Variants in MACROD2 observed in about 807,000 individuals in gnomAD.
The protein encoded by MACROD2 is ADP-ribose glycohydrolase MACROD2.
MACROD2 carries 36 observed loss-of-function variants against 70.4 expected under a neutral mutation model. The ratio of observed to expected loss-of-function variants is 0.51; its 90% CI spans 0.39 to 0.68. MACROD2 has a LOEUF of 0.68. Ranked by LOEUF, MACROD2 falls within the 30% of genes least tolerant of loss-of-function variation. MACROD2 has a pLI of 0.00. For missense variants in MACROD2, 496 were observed against 538.4 expected (o/e 0.92, Z 0.78); for synonymous variants, 172 against 178.8 (o/e 0.96, Z 0.30).
intron 5 of MACROD2, chr20:14,894,438 A>T (rs1476686708): frequency 3.3e-5 from 5 of 151,936 alleles, no homozygotes; most frequent in Non-Finnish European, 5.9e-5. Flanking sequence ...TCACCATGTT[A>T]GCCAGGATGG....
At chr20:15,535,376 G>A (rs1338404694) in intron 8 of MACROD2, among the ~76,000 whole-genome samples, 1 of 152,116 alleles carries the variant, frequency 6.6e-6, no homozygotes, top group Non-Finnish European at 1.5e-5. Context: ...TAGACCAATA[G>A]CATCAATATC....
chr20:16,012,414 T>A (rs2147529737), intron 15 of MACROD2, among the ~76,000 whole-genome samples: 1 of 152,286 alleles, frequency 6.6e-6, no homozygotes, highest in South Asian at 2.1e-4. Context: ...TAGGCCATAC[T>A]CCCGACCAAT....
chr20:14,101,993 CTTTTTTTTTTTTT>C (rs66890047), intron 3 of MACROD2, among the ~76,000 whole-genome samples: 5 of 25,050 alleles, frequency 2.0e-4, no homozygotes, highest in Middle Eastern at 0.045. Flanking sequence ...TTTAATGAGT[CTTTTTTTTTTTTT>C]TTTTTTTTTT....
intron 5 of MACROD2, chr20:14,935,391 T>G (rs1261342423): frequency 2.0e-5 from 3 of 152,096 alleles, no homozygotes; most frequent in African/African-American, 7.2e-5. Flanking sequence ...AGAGTACTAA[T>G]TTTTCAGGCT....
chr20:14,635,338 A>T (rs1227353245), intron 4 of MACROD2, among the ~76,000 whole-genome samples: 2 of 152,124 alleles, frequency 1.3e-5, no homozygotes, highest in African/African-American at 2.4e-5. Flanking sequence ...CACTACACCC[A>T]CTAGCAAAGG....
intron 2 of MACROD2, among the ~76,000 whole-genome samples, chr20:14,040,819 C>T (rs566321832): frequency 6.6e-6 from 1 of 152,180 alleles, no homozygotes; most frequent in Admixed American, 6.5e-5. Flanking sequence ...CATATATGGC[C>T]TGTTATTAAT....
At chr20:14,360,161 C>T (rs1490495149) in intron 3 of MACROD2, among the ~76,000 whole-genome samples, 1 of 152,006 alleles carries the variant, frequency 6.6e-6, no homozygotes, top group East Asian at 1.9e-4. Context: ...TCCAAAATTT[C>T]AGTTAGGCGT....
chr20:14,209,645 C>T (rs2081554798), intron 3 of MACROD2, among the ~76,000 whole-genome samples: 1 of 152,036 alleles, frequency 6.6e-6, no homozygotes, highest in South Asian at 2.1e-4. Context: ...CATTTAGGGA[C>T]TCAGATAGGG....
chr20:14,693,464 G>C (rs569898769), intron 5 of MACROD2, among the ~76,000 whole-genome samples: 1 of 152,132 alleles, frequency 6.6e-6, no homozygotes, highest in Non-Finnish European at 1.5e-5. Flanking sequence ...CTGAGTAAAA[G>C]TGTAGATTTT....
intron 3 of MACROD2, among the ~76,000 whole-genome samples, chr20:14,465,062 A>T (rs1203245034): frequency 1.3e-5 from 2 of 152,050 alleles, no homozygotes; most frequent in African/African-American, 2.4e-5. Flanking sequence ...CTCTTGGTGC[A>T]GAGCTGAGTT....
In MACROD2 at chr20:14,497,152, C is replaced by T. The variant is rs756906473; in HGVS notation, c.301+3644C>T. On this transcript the variant is annotated intron_variant, in intron 4 of 17. Coordinates refer to ENST00000684519, the MANE Select transcript of MACROD2 (RefSeq NM_001351661.2). ...GACAGGAAAACATACAGTTAAGATACGGATGTTGCATTCCTTGGCTTATTT... is the reference window on the plus strand; with the variant it reads ...GACAGGAAAACATACAGTTAAGATATGGATGTTGCATTCCTTGGCTTATTT... 3.2e-4 allele frequency among the ~76,000 whole-genome samples: 49 copies of T among 151,680 alleles called. 1 individual carries two copies. The highest frequency in any genetic ancestry group is 9.5e-4 in the African/African-American group (39 of 40,988).
intron 3 of MACROD2, among the ~76,000 whole-genome samples, chr20:14,455,379 A>T (rs889363278): frequency 6.6e-6 from 1 of 151,858 alleles, no homozygotes; most frequent in Non-Finnish European, 1.5e-5. Flanking sequence ...AGATCCTGAA[A>T]CCTACTGAAG....
rs559039787 is a variant in MACROD2 at position 14,347,655 on chromosome 20, C to T, written c.272-145824C>T. Reference sequence around the variant, plus strand: ...CCACTTTTAAGTTTACAGGAGAATCCATGGGATTCCCAAGTTTTTATCTGT... The same window carrying T: ...CCACTTTTAAGTTTACAGGAGAATCTATGGGATTCCCAAGTTTTTATCTGT... On this transcript the variant is annotated intron_variant, in intron 3 of 17. Coordinates refer to ENST00000684519, the MANE Select transcript of MACROD2 (RefSeq NM_001351661.2). 2.6e-5 allele frequency among the ~76,000 whole-genome samples: 4 copies of T among 152,176 alleles called. No individual in the cohort carries two copies. In the South Asian group the frequency reaches 8.3e-4, roughly 32 times the overall value.
chr20:15,149,968 G>A (rs989713328), intron 5 of MACROD2, among the ~76,000 whole-genome samples: 1 of 151,952 alleles, frequency 6.6e-6, no homozygotes, highest in South Asian at 2.1e-4. Context: ...TTTATGTAAT[G>A]GTTTTGTTAG....
intron 2 of MACROD2, among the ~76,000 whole-genome samples, chr20:14,067,420 A>G (rs1186909172): frequency 6.6e-6 from 1 of 152,160 alleles, no homozygotes; most frequent in Non-Finnish European, 1.5e-5. Flanking sequence ...TGCACTCAGC[A>G]TAAAAAGGTT....
At chr20:14,274,152 A>T (rs916226833) in intron 3 of MACROD2, among the ~76,000 whole-genome samples, 2 of 152,230 alleles carry the variant, frequency 1.3e-5, no homozygotes, top group Admixed American at 1.3e-4. Flanking sequence ...TTATGAGGCC[A>T]GCATCATCCT....
chr20:15,310,675 C>A (rs558474619), intron 6 of MACROD2, among the ~76,000 whole-genome samples: 1 of 152,150 alleles, frequency 6.6e-6, no homozygotes, highest in African/African-American at 2.4e-5. Flanking sequence ...TTGTGTTAGA[C>A]AAATTGAGTT....
At chr20:14,566,293 T>C (rs1028278562) in intron 4 of MACROD2, among the ~76,000 whole-genome samples, 1 of 151,690 alleles carries the variant, frequency 6.6e-6, no homozygotes, top group Non-Finnish European at 1.5e-5. Context: ...TTCAGAGAAA[T>C]TCGTATTTCT....
chr20:14,289,147 G>C (rs2082366352), intron 3 of MACROD2, among the ~76,000 whole-genome samples: 2 of 152,092 alleles, frequency 1.3e-5, no homozygotes, highest in South Asian at 4.1e-4. Context: ...GGTAGAACTG[G>C]GGGACTCTAT....
Sources: gnomAD v4.1 joint callset for allele counts (sites outside exome capture counted in the v4.1 genomes callset) on GRCh38, gnomAD v4.1.1 for gene constraint, MANE v1.5 for transcripts, NCBI Gene and HGNC (gene_info 2026-07-23, HGNC 2026-07-21) for gene names.